STAT4: variants seen among roughly 807,000 people sequenced by gnomAD.
STAT4 encodes signal transducer and activator of transcription 4.
A neutral mutation model predicts 110.5 loss-of-function variants in STAT4; 42 were observed. The observed-to-expected ratio is 0.38, with a 90% CI of 0.30 to 0.49. The LOEUF is 0.49. Among genes scored for constraint, STAT4 ranks in the 20% least tolerant of loss-of-function variants. The pLI, the probability that STAT4 is intolerant of heterozygous loss-of-function variation, is 0.95. For missense variants in STAT4, 632 were observed against 887.9 expected, an observed-to-expected ratio of 0.71 and a Z score of 3.66; for synonymous variants, 284 against 302.2, an observed-to-expected ratio of 0.94 and a Z score of 0.63.
In STAT4 at chr2:191,057,278, T is replaced by G. The variant is rs1366176746; in HGVS notation, c.1206+740A>C. Among the ~76,000 whole-genome samples, 7 of 152,356 alleles carry G rather than the reference T, an allele frequency of 4.6e-5. No individual in the cohort carries two copies. In the South Asian group the frequency reaches 1.5e-3, roughly 32 times the overall value. ...AGAACATGAAATATTTATCTTTCTG[T>G]GCCTGGCTTATTTCATTTAACATAA... is the stretch of plus-strand genomic sequence containing the variant. On this transcript the variant is annotated intron_variant, in intron 13 of 23. Transcript: ENST00000392320.
At chr2:191,097,568 T>A (rs547214035) in intron 3 of STAT4, among the ~76,000 whole-genome samples, 1 of 152,234 alleles carries the variant, frequency 6.6e-6, no homozygotes, top group Non-Finnish European at 1.5e-5. Flanking sequence ...GCTAGCCATA[T>A]GTAGAAAACT....
intron 15 of STAT4, among the ~76,000 whole-genome samples, chr2:191,040,778 G>A (rs1696172170): frequency 1.3e-5 from 2 of 152,028 alleles, no homozygotes; most frequent in South Asian, 4.2e-4. Flanking sequence ...TGCCCAGGCT[G>A]GTCTCAAATT....
chr2:191,058,357 G>A lies in STAT4; in HGVS notation c.1095-138C>T. On this transcript the variant is annotated intron_variant, in intron 11 of 23. Transcript: ENST00000392320. The surrounding 1 kb of genome is among the most constrained non-coding windows in gnomAD (Gnocchi z 4.3). ...CTGTCGTCCAGGCTGGAGTGCAGTG[G>A]TGCAATCTTGGCTCACTACAACCTC... 1.1e-6 allele frequency: 1 copy of A among 885,456 alleles called. No homozygotes were observed. The highest frequency in any genetic ancestry group is 1.7e-6 in the Non-Finnish European group (1 of 591,662). 54.8% of individuals were successfully genotyped at this position (885,456 alleles called of 1,614,324 possible). A position where few individuals can be genotyped will look rare whatever the true frequency, so the allele number is the denominator to read the frequency against.
At chr2:191,079,574 T>A (rs1697406809) in intron 3 of STAT4, among the ~76,000 whole-genome samples, 2 of 152,098 alleles carry the variant, frequency 1.3e-5, no homozygotes. Context: ...ATTCTAAAAT[T>A]ATATCTGTAT....
chr2:191,031,533 C>A lies in STAT4; in HGVS notation c.2045-17G>T. ...GTCTTGAAACTGGAAAACAAAAAGG[C>A]ACAATGTTGGGGAAAAAAATGTCAA... On this transcript the variant is annotated splice_polypyrimidine_tract_variant and intron_variant, in intron 21 of 23. Transcript: ENST00000392320. This position sits in a 1 kb window ranked among gnomAD's most constrained non-coding sequence, Gnocchi z 4.8. The A allele has an allele frequency of 6.2e-7, 1 of 1,607,130 alleles. No individual in the cohort carries two copies.
chr2:191,031,294 A>G lies in STAT4; in HGVS notation c.2111+156T>C, dbSNP rs1695885766. On this transcript the variant is annotated intron_variant, in intron 22 of 23. Transcript: ENST00000392320. This position sits in a 1 kb window ranked among gnomAD's most constrained non-coding sequence, Gnocchi z 4.8. ...AATTTTAGGCACAATAGATTGTGGT[A>G]AGTGTGCCCTGAAGGCTAGCCTTAT... 1 of 908,130 alleles carries G rather than the reference A, an allele frequency of 1.1e-6. No homozygotes were observed. Among genetic ancestry groups the G allele is most frequent in the Non-Finnish European group, 1.7e-6 (1 of 604,646 alleles). The allele number at this position is 908,130 out of a possible 1,614,324, so 56.3% of individuals were successfully genotyped here. A position where few individuals can be genotyped will look rare whatever the true frequency, so the allele number is the denominator to read the frequency against.
At chr2:191,097,949 A>G (rs796329015) in intron 3 of STAT4, among the ~76,000 whole-genome samples, 1 of 152,184 alleles carries the variant, frequency 6.6e-6, no homozygotes, top group South Asian at 2.1e-4. Flanking sequence ...AAAAGTGGGC[A>G]AAGGATATGA....
chr2:191,073,099 T>C lies in STAT4; in HGVS notation c.464A>G (p.Gln155Arg). ...AGGTATCTGTATAAAAGCACTTACCTGCACACTGTTTTTAATGGCAGCCAC... is the reference window on the plus strand; with the variant it reads ...AGGTATCTGTATAAAAGCACTTACCCGCACACTGTTTTTAATGGCAGCCAC... The part of the protein sequence containing the change: ...HKVAAIKNSV[Q>R]MTEQDTKYLE... Residue 155 changes from glutamine to arginine, a missense_variant and splice_region_variant, in exon 5 of 24, where the codon CAG (glutamine) becomes CGG (arginine). Gln to Arg is a conservative substitution (Grantham distance 43). Transcript: ENST00000392320. 6.2e-7 allele frequency: 1 copy of C among 1,613,842 alleles called. No homozygotes were observed. Among genetic ancestry groups the C allele is most frequent in the Non-Finnish European group, 8.5e-7 (1 of 1,179,754 alleles).
intron 7 of STAT4, 85 bp from the exon 8 acceptor site, chr2:191,065,043 G>C: frequency 7.4e-7 from 1 of 1,358,628 alleles, no homozygotes; most frequent in South Asian, 1.8e-5. Flanking sequence ...TGACCTGGTA[G>C]ACAAAGGCTT....
At position 191,147,998 on chromosome 2, in the gene STAT4, G is replaced by A. The variant is rs993470659; in HGVS notation, c.128+78C>T. 2 of 1,581,832 alleles carry A rather than the reference G, an allele frequency of 1.3e-6. No homozygotes were observed. Among genetic ancestry groups the A allele is most frequent in the East Asian group, 2.3e-5 (1 of 44,160 alleles). On this transcript the variant is annotated intron_variant, in intron 2 of 23. Coordinates refer to ENST00000392320, the MANE Select transcript of STAT4 (RefSeq NM_003151.4). This position sits in a 1 kb window ranked among gnomAD's most constrained non-coding sequence, Gnocchi z 4.1. ...GAATGCATCTACTGAGTAAAAAGTGGACCATAAAATAAATTCACATGGATA... is the reference window on the plus strand; with the variant it reads ...GAATGCATCTACTGAGTAAAAAGTGAACCATAAAATAAATTCACATGGATA...
rs1005262011 is a variant in STAT4, at chr2:191,039,010, G to A, written c.1434+189C>T. ...ACTTTTGCTAGCAGAATTCTCTCAG[G>A]GTCCACATATATCAGAACATACTAC... On this transcript the variant is annotated intron_variant, in intron 16 of 23. Coordinates refer to ENST00000392320, the MANE Select transcript of STAT4 (RefSeq NM_003151.4). This position sits in a 1 kb window ranked among gnomAD's most constrained non-coding sequence, Gnocchi z 4.7. 1.3e-5 allele frequency among the ~76,000 whole-genome samples: 2 copies of A among 152,002 alleles called. No individual in the cohort carries two copies. The highest frequency in any genetic ancestry group is 2.9e-5 in the Non-Finnish European group (2 of 67,990).
At chr2:191,108,892 T>C (rs1220646727) in intron 3 of STAT4, among the ~76,000 whole-genome samples, 1 of 152,240 alleles carries the variant, frequency 6.6e-6, no homozygotes, top group Non-Finnish European at 1.5e-5. Context: ...CTTAATTGAA[T>C]TTTCCATGTC....
chr2:191,083,241 G>C lies in STAT4; in HGVS notation c.274-6916C>G, dbSNP rs140501236. Among the ~76,000 whole-genome samples, 1,214 of 152,312 alleles carry C rather than the reference G, an allele frequency of 8.0e-3. 16 individuals are homozygous for C. The highest frequency in any genetic ancestry group is 0.037 in the Middle Eastern group (11 of 294). On this transcript the variant is annotated intron_variant, in intron 3 of 23. Transcript: ENST00000392320. This position sits in a 1 kb window ranked among gnomAD's most constrained non-coding sequence, Gnocchi z 4.6. The stretch of plus-strand genomic sequence containing the variant: ...TGGGCAAGTGAGACGAGGAAGAGAA[G>C]GGAGCCAGTAAGGGTGTGCTGTTAG...
At chr2:191,056,282 T>C (rs1369678343) in intron 13 of STAT4, among the ~76,000 whole-genome samples, 1 of 151,936 alleles carries the variant, frequency 6.6e-6, no homozygotes, top group Admixed American at 6.6e-5. Context: ...GCGAGAAAAA[T>C]AGTAGGGTCT....
rs1697543501 is a variant in STAT4, at chr2:191,083,439, A to C, written c.274-7114T>G. 6.6e-6 allele frequency among the ~76,000 whole-genome samples: 1 copy of C among 152,194 alleles called. No homozygotes were observed. Among genetic ancestry groups the C allele is most frequent in the Non-Finnish European group, 1.5e-5 (1 of 68,034 alleles). On this transcript the variant is annotated intron_variant, in intron 3 of 23. Transcript: ENST00000392320. This position sits in a 1 kb window ranked among gnomAD's most constrained non-coding sequence, Gnocchi z 4.6. ...TTGGATTTCTACTTGACTAAACTAA[A>C]ATGATAAGGCCAAGAAGATGTGAAC...
At position 191,064,855 on chromosome 2, in the gene STAT4, G is replaced by A. The variant is rs760044145; in HGVS notation, c.734C>T (p.Ala245Val). ...LQDWKRRQQIACIGGPLHNGL... is the reference protein window; with the variant it reads ...LQDWKRRQQIVCIGGPLHNGL... ...ATTGTGGAGTGGACCCCCGATGCAG[G>A]CGATTTGCTGCCGCCGCTTCCAGTC... The change falls in exon 8 of 24, where the codon GCC becomes GTC. Residue 245 changes from alanine to valine, a missense_variant. By Grantham distance (64) the Ala-to-Val change is moderately conservative. Transcript: ENST00000392320. 3 of 1,613,494 alleles carry A rather than the reference G, an allele frequency of 1.9e-6. No homozygotes were observed. The Admixed American group carries it at 5.0e-5, about 27-fold the overall frequency.
At position 191,060,660 on chromosome 2, in the gene STAT4, C is replaced by T. The variant is rs1696823527; in HGVS notation, c.1034+1069G>A. Among the ~76,000 whole-genome samples the T allele has an allele frequency of 6.6e-6, 1 of 152,186 alleles. No homozygotes were observed. Among genetic ancestry groups the T allele is most frequent in the South Asian group, 2.1e-4 (1 of 4,834 alleles). On this transcript the variant is annotated intron_variant, in intron 10 of 23. Transcript: ENST00000392320. The surrounding 1 kb of genome is among the most constrained non-coding windows in gnomAD (Gnocchi z 4.5). Reference sequence around the variant, plus strand: ...TCTTGAACTCCTGACCTCAGGTGATCTGCCTTCCTCAGGCTCCCAAAGTGC... The same window carrying T: ...TCTTGAACTCCTGACCTCAGGTGATTTGCCTTCCTCAGGCTCCCAAAGTGC...
rs190854635 is a variant in STAT4, at chr2:191,034,536, G to A, written c.1620+12C>T. The stretch of plus-strand genomic sequence containing the variant: ...AAATGTATCTAAATGATGTTTCCCC[G>A]ACCGTTTGTACCTTGCAGAACTTGG... On this transcript the variant is annotated intron_variant, in intron 18 of 23. Transcript: ENST00000392320. The A allele has an allele frequency of 3.9e-3, 6,239 of 1,605,876 alleles. 23 individuals carry two copies. The highest frequency in any genetic ancestry group is 4.9e-3 in the Non-Finnish European group (5,740 of 1,172,688).
chr2:191,148,668 G>C (rs1474330020), intron 1 of STAT4, among the ~76,000 whole-genome samples: 1 of 152,084 alleles, frequency 6.6e-6, no homozygotes, highest in East Asian at 1.9e-4. Context: ...ATATGAAATT[G>C]CCAAATTTCT....
Sources: allele counts gnomAD v4.1 joint callset (sites outside exome capture counted in the v4.1 genomes callset), GRCh38; gene constraint gnomAD v4.1.1; non-coding constraint Gnocchi (gnomAD v3.1); transcripts MANE v1.5; gene names NCBI Gene and HGNC (gene_info 2026-07-23, HGNC 2026-07-21).